Variants in KIF26A observed in about 807,000 individuals in gnomAD.
KIF26A encodes kinesin family member 26A.
KIF26A carries 74 observed loss-of-function variants against 126.0 expected under a neutral mutation model. That is an observed-to-expected ratio of 0.59 (90% CI 0.49 to 0.71). The LOEUF (loss-of-function observed/expected upper bound fraction) is 0.71. Ranked by LOEUF, KIF26A falls within the 30% of genes least tolerant of loss-of-function variation. KIF26A has a pLI of 0.00. For missense variants in KIF26A, 2,984 were observed against 2,763.3 expected (o/e 1.08, Z -1.79); for synonymous variants, 1,445 against 1,232.7 (o/e 1.17, Z -3.61).
chr14:104,146,155 A>G (rs1401831315), intron 2 of KIF26A, among the ~76,000 whole-genome samples: 1 of 152,182 alleles, frequency 6.6e-6, no homozygotes, highest in Non-Finnish European at 1.5e-5. Flanking sequence ...TAAAGGGGTC[A>G]CAGACTCCTG....
chr14:104,170,776 A>G (rs2037949404), intron 5 of KIF26A, among the ~76,000 whole-genome samples: 1 of 152,054 alleles, frequency 6.6e-6, no homozygotes, highest in Non-Finnish European at 1.5e-5. Context: ...TGGGTTTCGG[A>G]GTGTTTGCAG....
Position 104,175,658 on chromosome 14 carries a change from A to C in KIF26A, c.2870A>C (p.Gln957Pro). Residue 957 changes from glutamine (Q) to proline (P), a missense_variant, in exon 12 of 15, where the codon CAG becomes CCG. Physicochemically the swap from Gln to Pro is moderately conservative, Grantham distance 76. Transcript: ENST00000423312. Reference protein sequence around the residue: ...PLPSPAPPPPQLLEACRAPEE... With the variant: ...PLPSPAPPPPPLLEACRAPEE... ...CCCAGCCCGGCTCCCCCACCTCCTC[A>C]GTTGCTGGAAGCCTGCAGAGCCCCA... 6.2e-7 allele frequency: 1 copy of C among 1,609,132 alleles called. No individual in the cohort carries two copies. Among genetic ancestry groups the C allele is most frequent in the Middle Eastern group, 1.7e-4 (1 of 5,718 alleles).
At chr14:104,173,289 C>T (rs1225102969) in intron 8 of KIF26A, 41 bp from the exon 9 acceptor site, 2 of 1,600,908 alleles carry the variant, frequency 1.2e-6, no homozygotes, top group South Asian at 1.1e-5. Context: ...GCACTTGGCC[C>T]TGAGCCACTG....
intron 3 of KIF26A, among the ~76,000 whole-genome samples, chr14:104,157,472 C>T (rs2037790645): frequency 6.6e-6 from 1 of 152,146 alleles, no homozygotes; most frequent in Non-Finnish European, 1.5e-5. Context: ...CCACCATCTG[C>T]CTCCCTCTCT....
In KIF26A at chr14:104,176,917, C is replaced by A. The variant is rs758743695; in HGVS notation, c.4129C>A (p.Pro1377Thr). The change falls in exon 12 of 15, where the codon CCG (proline) becomes ACG (threonine). Residue 1377 changes from proline (P) to threonine (T), a missense_variant. Coordinates refer to ENST00000423312, the MANE Select transcript of KIF26A (RefSeq NM_015656.2). ...RKSSLEQRSS[P>T]ASAPPHAVNP... ...GTCCAGCCTGGAGCAGAGGAGCAGCCCGGCCTCGGCCCCTCCGCATGCTGT... is the reference window on the plus strand; with the variant it reads ...GTCCAGCCTGGAGCAGAGGAGCAGCACGGCCTCGGCCCCTCCGCATGCTGT... 1.3e-6 allele frequency: 2 copies of A among 1,537,418 alleles called. No homozygotes were observed. The highest frequency in any genetic ancestry group is 8.7e-7 in the Non-Finnish European group (1 of 1,145,924).
At chr14:104,179,068 C>T (rs761267750) in intron 13 of KIF26A, among the ~76,000 whole-genome samples, 168 bp from the exon 14 acceptor site, 3 of 152,154 alleles carry the variant, frequency 2.0e-5, no homozygotes, top group East Asian at 1.9e-4. Flanking sequence ...AGGACCCAGA[C>T]GGGCATGGGT....
Position 104,151,572 on chromosome 14 carries a change from G to A in KIF26A, c.289-443G>A, listed in dbSNP as rs962848405. 1.3e-5 allele frequency among the ~76,000 whole-genome samples: 2 copies of A among 152,248 alleles called. No individual in the cohort carries two copies. The highest frequency in any genetic ancestry group is 2.9e-5 in the Non-Finnish European group (2 of 68,048). Reference sequence around the variant, plus strand: ...GGGGCTGGAGACCTGAAGAGGAAGGGAGAGGGTCTCCTGCCCCTGGCTCTG... The same window carrying A: ...GGGGCTGGAGACCTGAAGAGGAAGGAAGAGGGTCTCCTGCCCCTGGCTCTG... On this transcript the variant is annotated intron_variant, in intron 2 of 14. Transcript: ENST00000423312. This position sits in a 1 kb window ranked among gnomAD's most constrained non-coding sequence, Gnocchi z 4.9.
At position 104,179,726 on chromosome 14, in the gene KIF26A, C is replaced by G. The variant is rs753123243; in HGVS notation, c.5585C>G (p.Thr1862Ser). The G allele has an allele frequency of 1.9e-6, 3 of 1,553,566 alleles. No homozygotes were observed. Among genetic ancestry groups the G allele is most frequent in the Non-Finnish European group, 2.6e-6 (3 of 1,149,038 alleles). Residue 1862 changes from threonine to serine, a missense_variant, in exon 15 of 15, where the codon ACC becomes AGC. Coordinates refer to ENST00000423312, the MANE Select transcript of KIF26A (RefSeq NM_015656.2). ...NLCKAHVMMVTCFDISVAASA... is the reference protein window; with the variant it reads ...NLCKAHVMMVSCFDISVAASA... ...TGCAAGGCGCACGTCATGATGGTCA[C>G]CTGCTTCGACATCAGCGTTGCAGCC...
chr14:104,165,827 A>C (rs996856138), intron 4 of KIF26A, among the ~76,000 whole-genome samples: 69 of 150,078 alleles, frequency 4.6e-4, no homozygotes, highest in African/African-American at 1.5e-3. Context: ...TTCTGTGTGC[A>C]TGTGTGTGTT....
At chr14:104,172,065 T>A in intron 6 of KIF26A, 130 bp downstream of exon 6, 1 of 862,392 alleles carries the variant, frequency 1.2e-6, no homozygotes, top group Non-Finnish European at 1.8e-6. Context: ...GCCCGCTGCC[T>A]GCGGCGCCTG....
chr14:104,175,749 G>T lies in KIF26A; in HGVS notation c.2961G>T (p.Gln987His). The stretch of plus-strand genomic sequence containing the variant: ...CCCCTCCCGTGGGCATGAGTGGGCA[G>T]GTGGCTGGGTCCCCGATGCTTCCTG... ...ARTPPVGMSG[Q>H]VAGSPMLPGA... The change falls in exon 12 of 15, where the codon CAG (glutamine) becomes CAT (histidine). Residue 987 changes from glutamine (Q) to histidine (H), a missense_variant. Gln to His is a conservative substitution (Grantham distance 24). Coordinates refer to ENST00000423312, the MANE Select transcript of KIF26A (RefSeq NM_015656.2). 3 of 1,546,320 alleles carry T rather than the reference G, an allele frequency of 1.9e-6. No individual in the cohort carries two copies. Among genetic ancestry groups the T allele is most frequent in the Non-Finnish European group, 2.6e-6 (3 of 1,148,114 alleles).
chr14:104,178,742 A>G lies in KIF26A; in HGVS notation c.5303A>G (p.Glu1768Gly). The change falls in exon 13 of 15, where the codon GAG (glutamate) becomes GGG (glycine). Residue 1768 changes from glutamate (E) to glycine (G), a missense_variant. Glu to Gly is a moderately conservative substitution (Grantham distance 98). Coordinates refer to ENST00000423312, the MANE Select transcript of KIF26A (RefSeq NM_015656.2). ...RLQRPRPTPR[E>G]APTQGLACVS... ...CAGCGGCCCCGCCCCACCCCGAGGG[A>G]GGCCCCCACCCAGGTAGGGCCTTTG... is the stretch of plus-strand genomic sequence containing the variant. The G allele has an allele frequency of 6.5e-7, 1 of 1,530,218 alleles. No individual in the cohort carries two copies. The highest frequency in any genetic ancestry group is 8.8e-7 in the Non-Finnish European group (1 of 1,131,238). The allele number at this position is 1,530,218 out of a possible 1,614,324, so 94.8% of individuals were successfully genotyped here. A position where few individuals can be genotyped will look rare whatever the true frequency, so the allele number is the denominator to read the frequency against.
rs773546641 is a variant in KIF26A, at chr14:104,175,261, C to T, written c.2473C>T (p.Arg825Trp). 1.9e-5 allele frequency: 30 copies of T among 1,606,910 alleles called. No individual in the cohort carries two copies. The East Asian group carries it at 3.6e-4, about 19-fold the overall frequency. The stretch of plus-strand genomic sequence containing the variant: ...CATCATCCCTGCCCTGAGCCGCCAC[C>T]GGCCCTCCAAGGGTCCCCGAGACGC... ...VPIIPALSRH[R>W]PSKGPRDADH... The change falls in exon 12 of 15, where the codon CGG becomes TGG. Residue 825 changes from arginine to tryptophan, a missense_variant. Arg to Trp is a moderately radical substitution (Grantham distance 101). Coordinates refer to ENST00000423312, the MANE Select transcript of KIF26A (RefSeq NM_015656.2).
At chr14:104,150,080 G>A (rs900391383) in intron 2 of KIF26A, among the ~76,000 whole-genome samples, 2 of 151,886 alleles carry the variant, frequency 1.3e-5, no homozygotes, top group Admixed American at 6.5e-5. Context: ...AGAGCTAAGC[G>A]GGGCTCCTGC....
chr14:104,156,421 C>T (rs377589049), intron 3 of KIF26A, among the ~76,000 whole-genome samples: 210 of 151,202 alleles, frequency 1.4e-3, no homozygotes, highest in South Asian at 0.011. Flanking sequence ...GTCCCAGGTT[C>T]GCCCTTTTCT....
Position 104,177,458 on chromosome 14 carries a change from AG to A in KIF26A, c.4671del (p.Lys1557AsnfsTer40). On this transcript the variant is annotated frameshift_variant, in exon 12 of 15. Coordinates refer to ENST00000423312, the MANE Select transcript of KIF26A (RefSeq NM_015656.2). LOFTEE classifies it high-confidence loss of function. ...KAGRGTVMGT[K>X]QALRAAHSRV... ...GGCCGGGGTACCGTCATGGGCACAA[AG>A]CAGGCGCTCCGGGCTGCTCACAGCC... 6.5e-7 allele frequency: 1 copy of A among 1,529,658 alleles called. No homozygotes were observed. Among genetic ancestry groups the A allele is most frequent in the Non-Finnish European group, 8.7e-7 (1 of 1,143,076 alleles). The allele number at this position is 1,529,658 out of a possible 1,614,324, so 94.8% of individuals were successfully genotyped here. A position where few individuals can be genotyped will look rare whatever the true frequency, so the allele number is the denominator to read the frequency against.
intron 4 of KIF26A, among the ~76,000 whole-genome samples, chr14:104,165,201 GTC>G (rs747586577): frequency 0.015 from 1,960 of 128,742 alleles, 18 homozygotes; most frequent in Middle Eastern, 0.024. Flanking sequence ...GCATGTGTGT[GTC>G]TGTGTCTCTG....
rs553082181 is a variant in KIF26A, at chr14:104,164,592, C to G, written c.924-2267C>G. 2.0e-3 allele frequency among the ~76,000 whole-genome samples: 306 copies of G among 152,278 alleles called. 1 individual carries two copies. The highest frequency in any genetic ancestry group is 7.1e-3 in the African/African-American group (297 of 41,542). ...AGTAGGTGTGGCCCAGTGATGGGAC[C>G]TGGGAACACATCCCCAGCAGCAGGG... On this transcript the variant is annotated intron_variant, in intron 4 of 14. Coordinates refer to ENST00000423312, the MANE Select transcript of KIF26A (RefSeq NM_015656.2).
At chr14:104,165,203 C>CTG (rs139275359) in intron 4 of KIF26A, among the ~76,000 whole-genome samples, 51,505 of 147,598 alleles carry the variant, frequency 0.35, 10,447 homozygotes, top group African/African-American at 0.58. Context: ...ATGTGTGTGT[C>CTG]TGTGTCTCTG....
Sources: allele counts gnomAD v4.1 joint callset (sites outside exome capture counted in the v4.1 genomes callset), GRCh38; gene constraint gnomAD v4.1.1; non-coding constraint Gnocchi (gnomAD v3.1); transcripts MANE v1.5; gene names NCBI Gene and HGNC (gene_info 2026-07-23, HGNC 2026-07-21).